Variants in PSTPIP2 observed in about 807,000 individuals in gnomAD.
PSTPIP2 encodes the protein proline-serine-threonine phosphatase interacting protein 2.
Under a neutral mutation model 63.3 loss-of-function variants are expected in PSTPIP2, and 33 were observed. The ratio of observed to expected loss-of-function variants is 0.52; its 90% CI spans 0.40 to 0.70. The LOEUF is 0.70. PSTPIP2 is among the 30% of genes least tolerant of loss of function. PSTPIP2 has a pLI of 0.00. For missense variants in PSTPIP2, 312 were observed against 400.7 expected, an observed-to-expected ratio of 0.78 and a Z score of 1.89; for synonymous variants, 125 against 132.7, an observed-to-expected ratio of 0.94 and a Z score of 0.40.
At chr18:46,005,673 C>T in intron 5 of PSTPIP2, 142 bp from the exon 6 acceptor site, 1 of 704,366 alleles carries the variant, frequency 1.4e-6, no homozygotes, top group Non-Finnish European at 2.3e-6. Flanking sequence ...AGAAAAGAGA[C>T]CAAACAATTT....
chr18:46,009,394 T>TAA (rs2051770929), intron 5 of PSTPIP2, among the ~76,000 whole-genome samples: 1 of 73,074 alleles, frequency 1.4e-5, no homozygotes, highest in African/African-American at 5.8e-5. Context: ...AAAAAAAACC[T>TAA]AGCTAAATAC....
rs1341792906 is a variant in PSTPIP2, at chr18:46,049,058, A to G, written c.34-9011T>C. ...TGTGTGTGTGTGTGTGTGTGTGTGG[A>G]GAGAGAGAGAAGGAGAGAGAAAGGG... On this transcript the variant is annotated intron_variant, in intron 1 of 14. Coordinates refer to ENST00000409746, the MANE Select transcript of PSTPIP2 (RefSeq NM_024430.4). Among the ~76,000 whole-genome samples, 29 of 141,610 alleles carry G rather than the reference A, an allele frequency of 2.0e-4. 1 individual carries two copies. The highest frequency in any genetic ancestry group is 3.9e-4 in the African/African-American group (15 of 38,496). 92.9% of individuals were successfully genotyped at this position (141,610 alleles called of 152,430 possible). A position where few individuals can be genotyped will look rare whatever the true frequency, so the allele number is the denominator to read the frequency against.
chr18:46,071,359 T>TGGACCTTGAGGGGCAC (rs1462103836), intron 1 of PSTPIP2, among the ~76,000 whole-genome samples: 1 of 152,132 alleles, frequency 6.6e-6, no homozygotes, highest in East Asian at 1.9e-4. Context: ...TGAGGGGGCA[T>TGGACCTTGAGGGGCAC]GGACCTTGAG....
At chr18:46,059,720 T>C (rs574781056) in intron 1 of PSTPIP2, among the ~76,000 whole-genome samples, 2 of 152,324 alleles carry the variant, frequency 1.3e-5, no homozygotes, top group African/African-American at 4.8e-5. Flanking sequence ...ACTGTCTTCA[T>C]TTTTTGTTTA....
At chr18:46,064,282 C>CTT (rs56236802) in intron 1 of PSTPIP2, among the ~76,000 whole-genome samples, 830 of 71,550 alleles carry the variant, frequency 0.012, 112 homozygotes, top group African/African-American at 0.051. Flanking sequence ...CTTTTTCTTT[C>CTT]TTTTTTTTTT....
intron 5 of PSTPIP2, 82 bp downstream of exon 5, chr18:46,011,099 A>G (rs1270077308): frequency 8.7e-7 from 1 of 1,147,558 alleles, no homozygotes; most frequent in Non-Finnish European, 1.3e-6. Flanking sequence ...GTGGGAGCTG[A>G]GCTGAGGAGT....
chr18:46,007,483 G>A (rs2051740186), intron 5 of PSTPIP2, among the ~76,000 whole-genome samples: 1 of 152,248 alleles, frequency 6.6e-6, no homozygotes, highest in Admixed American at 6.5e-5. Context: ...TCAGGAACCT[G>A]CGGTTCACAT....
intron 1 of PSTPIP2, among the ~76,000 whole-genome samples, chr18:46,049,221 A>G (rs973559258): frequency 6.6e-5 from 10 of 152,178 alleles, no homozygotes; most frequent in African/African-American, 2.2e-4. Flanking sequence ...CAGATAACCA[A>G]ATACCACACG....
intron 14 of PSTPIP2, among the ~76,000 whole-genome samples, chr18:45,987,264 T>C (rs1287027548): frequency 6.6e-6 from 1 of 152,242 alleles, no homozygotes; most frequent in East Asian, 1.9e-4. Context: ...GTGCTCACTT[T>C]GGTGGTATAG....
chr18:46,052,100 A>T (rs971164870), intron 1 of PSTPIP2, among the ~76,000 whole-genome samples: 1 of 152,248 alleles, frequency 6.6e-6, no homozygotes, highest in African/African-American at 2.4e-5. Context: ...AGAGGAACAG[A>T]GTGAGACACC....
intron 3 of PSTPIP2, among the ~76,000 whole-genome samples, chr18:46,018,443 C>T (rs1342286056): frequency 6.6e-6 from 1 of 151,884 alleles, no homozygotes; most frequent in Non-Finnish European, 1.5e-5. Context: ...GTCACCTACG[C>T]ACCCAACTTC....
chr18:46,022,783 G>C (rs1271617948), intron 3 of PSTPIP2, among the ~76,000 whole-genome samples: 1 of 152,016 alleles, frequency 6.6e-6, no homozygotes, highest in Admixed American at 6.6e-5. Flanking sequence ...ATGAATGACT[G>C]AAAAATTAAA....
intron 2 of PSTPIP2, among the ~76,000 whole-genome samples, chr18:46,036,816 C>T (rs1165697847): frequency 6.6e-6 from 1 of 152,156 alleles, no homozygotes. Context: ...ATAGCATCTC[C>T]CTCTTCCCCT....
intron 2 of PSTPIP2, among the ~76,000 whole-genome samples, chr18:46,038,057 A>G (rs1014573806): frequency 6.6e-6 from 1 of 152,168 alleles, no homozygotes; most frequent in Non-Finnish European, 1.5e-5. Context: ...TCAGTGGATT[A>G]TGACCAGCAA....
At chr18:46,021,012 T>A (rs939699452) in intron 3 of PSTPIP2, among the ~76,000 whole-genome samples, 1 of 152,234 alleles carries the variant, frequency 6.6e-6, no homozygotes, top group Non-Finnish European at 1.5e-5. Context: ...CAAAAGTTTT[T>A]GGGTATATTG....
At chr18:46,010,367 G>A (rs2051782050) in intron 5 of PSTPIP2, among the ~76,000 whole-genome samples, 1 of 152,184 alleles carries the variant, frequency 6.6e-6, no homozygotes, top group South Asian at 2.1e-4. Flanking sequence ...GGGAGACCTG[G>A]TTAGACATCT....
rs2051792317 is a variant in PSTPIP2 at position 46,011,195 on chromosome 18, G to C, written c.340C>G (p.Leu114Val). The change falls in exon 5 of 15, where the codon CTA becomes GTA. Residue 114 changes from leucine (L) to valine (V), a missense_variant. By Grantham distance (32) the Leu-to-Val change is conservative (BLOSUM62 1). Coordinates refer to ENST00000409746, the MANE Select transcript of PSTPIP2 (RefSeq NM_024430.4). ...KMEEFREKQK[L>V]QRKKTELIMD... ...GCAAATCCAACCTTTTTTCGTTGTAGTTTTTGCTTTTCCCTGAATTCTTCC... is the reference window on the plus strand; with the variant it reads ...GCAAATCCAACCTTTTTTCGTTGTACTTTTTGCTTTTCCCTGAATTCTTCC... 6.2e-7 allele frequency: 1 copy of C among 1,613,290 alleles called. No individual in the cohort carries two copies. The highest frequency in any genetic ancestry group is 1.3e-5 in the African/African-American group (1 of 74,962).
chr18:46,026,826 T>C (rs1187031461), intron 2 of PSTPIP2, among the ~76,000 whole-genome samples: 1 of 152,156 alleles, frequency 6.6e-6, no homozygotes, highest in Admixed American at 6.5e-5. Context: ...AGTTCAAGGC[T>C]GCAGCGCACT....
Position 46,024,669 on chromosome 18 carries a change from C to T in PSTPIP2, c.152G>A (p.Arg51Lys). 4 of 1,613,990 alleles carry T rather than the reference C, an allele frequency of 2.5e-6. No homozygotes were observed. The highest frequency in any genetic ancestry group is 3.4e-6 in the Non-Finnish European group (4 of 1,179,894). The stretch of plus-strand genomic sequence containing the variant: ...GAGGTTGAGCAGATCTTTGCCATAC[C>T]TCTCTTCAATTGCTGCCCTAGGGGA... ...FLKERAAIEE[R>K]YGKDLLNLSR... Residue 51 changes from arginine (R) to lysine (K), a missense_variant, in exon 3 of 15, where the codon AGG (arginine) becomes AAG (lysine). Physicochemically the swap from Arg to Lys is conservative, Grantham distance 26 (BLOSUM62 2). Transcript: ENST00000409746.
Sources: allele counts gnomAD v4.1 joint callset (sites outside exome capture counted in the v4.1 genomes callset), GRCh38; gene constraint gnomAD v4.1.1; transcripts MANE v1.5; gene names NCBI Gene and HGNC (gene_info 2026-07-23, HGNC 2026-07-21).